Variants in LDB2 observed in about 807,000 individuals in gnomAD.
LDB2 encodes LIM domain binding 2, also known as LIM domain-binding protein 2.
LDB2 carries 12 observed loss-of-function variants against 44.3 expected under a neutral mutation model. The observed-to-expected ratio is 0.27, with a 90% CI of 0.17 to 0.44. LDB2 has a LOEUF of 0.44. Ranked by LOEUF, LDB2 falls within the 20% of genes least tolerant of loss-of-function variation. The pLI is 1.00. For missense variants in LDB2, 344 were observed against 473.5 expected, an observed-to-expected ratio of 0.73 and a Z score of 2.54; for synonymous variants, 164 against 174.8, an observed-to-expected ratio of 0.94 and a Z score of 0.49.
chr4:16,508,376 C>T (rs1308963164), intron 7 of LDB2, among the ~76,000 whole-genome samples, 159 bp downstream of exon 7: 3 of 152,150 alleles, frequency 2.0e-5, no homozygotes. Flanking sequence ...GAGTTCCTCC[C>T]TCCCATCCCA....
chr4:16,850,490 A>T (rs186373377), intron 1 of LDB2, among the ~76,000 whole-genome samples: 17 of 152,342 alleles, frequency 1.1e-4, no homozygotes, highest in Middle Eastern at 3.4e-3. Flanking sequence ...AATTTACATA[A>T]GCTTATTTCC....
At chr4:16,735,485 C>G (rs954416282) in intron 2 of LDB2, among the ~76,000 whole-genome samples, 2 of 151,774 alleles carry the variant, frequency 1.3e-5, no homozygotes, top group African/African-American at 4.8e-5. Flanking sequence ...TAACTTCTGC[C>G]CTCCCATGCA....
At chr4:16,884,606 CCCATTTAT>C (rs1721109219) in intron 1 of LDB2, among the ~76,000 whole-genome samples, 1 of 152,178 alleles carries the variant, frequency 6.6e-6, no homozygotes, top group Non-Finnish European at 1.5e-5. Context: ...TTGGCAAATT[CCCATTTAT>C]CCATCAAGAC....
chr4:16,687,378 A>G (rs983552924), intron 2 of LDB2, among the ~76,000 whole-genome samples: 1 of 152,158 alleles, frequency 6.6e-6, no homozygotes, highest in Non-Finnish European at 1.5e-5. Context: ...ACTTGAGGAC[A>G]CAGCAGGTAA....
intron 1 of LDB2, among the ~76,000 whole-genome samples, chr4:16,881,192 A>G (rs1309657297): frequency 3.3e-5 from 5 of 152,226 alleles, no homozygotes; most frequent in African/African-American, 9.6e-5. Context: ...CTGGAGAGGC[A>G]GCGGAGCTGA....
chr4:16,867,480 G>A (rs533588685), intron 1 of LDB2, among the ~76,000 whole-genome samples: 30 of 152,170 alleles, frequency 2.0e-4, no homozygotes, highest in African/African-American at 6.0e-4. Context: ...AGCCCATACC[G>A]GTTATAGAAC....
At chr4:16,743,093 C>G (rs1332530878) in intron 2 of LDB2, among the ~76,000 whole-genome samples, 2 of 152,060 alleles carry the variant, frequency 1.3e-5, no homozygotes, top group African/African-American at 4.8e-5. Context: ...AGTTCGAGAC[C>G]AGCCTGGCCA....
intron 2 of LDB2, among the ~76,000 whole-genome samples, chr4:16,632,552 A>C (rs1369837764): frequency 6.6e-6 from 1 of 152,188 alleles, no homozygotes; most frequent in African/African-American, 2.4e-5. Flanking sequence ...CACCACTCCT[A>C]TTCAGCATAG....
chr4:16,715,003 T>G (rs74933541), intron 2 of LDB2, among the ~76,000 whole-genome samples: 3,033 of 152,268 alleles, frequency 0.02, 85 homozygotes, highest in African/African-American at 0.067. Flanking sequence ...TATCTTTTTT[T>G]GGGGGCACAG....
rs1197123257 is a variant in LDB2 at position 16,893,089 on chromosome 4, A to G, written c.132+5265T>C. 7 of 973,092 alleles carry G rather than the reference A, an allele frequency of 7.2e-6. No individual in the cohort carries two copies. In the East Asian group the frequency reaches 6.8e-4, roughly 95 times the overall value. 60.3% of individuals were successfully genotyped at this position (973,092 alleles called of 1,614,324 possible). The stretch of plus-strand genomic sequence containing the variant: ...GTCTTACAATTGGTTTTCTGAGGCC[A>G]TGTAGAGATCCTGAAAAATAAGAGA... On this transcript the variant is annotated intron_variant, in intron 1 of 7. Coordinates refer to ENST00000304523, the MANE Select transcript of LDB2 (RefSeq NM_001290.5).
intron 2 of LDB2, among the ~76,000 whole-genome samples, chr4:16,711,843 A>C (rs932886427): frequency 2.0e-4 from 31 of 152,362 alleles, no homozygotes; most frequent in African/African-American, 6.7e-4. Context: ...ATAGGAAAAG[A>C]ATAGTCTTTT....
intron 2 of LDB2, among the ~76,000 whole-genome samples, chr4:16,692,523 A>T (rs1444113943): frequency 2.6e-5 from 4 of 152,244 alleles, no homozygotes; most frequent in African/African-American, 7.2e-5. Flanking sequence ...TCAGTCATAC[A>T]AGTTTAATTT....
rs555324588 is a variant in LDB2 at position 16,845,409 on chromosome 4, A to G, written c.132+52945T>C. On this transcript the variant is annotated intron_variant, in intron 1 of 7. Transcript: ENST00000304523. ...AGCTCTCTCAGTAACAGCTTTTTCT[A>G]TCAAAGAAACCCAGATGGCAATAGG... 1.4e-3 allele frequency among the ~76,000 whole-genome samples: 220 copies of G among 152,246 alleles called. 2 individuals carry two copies. The Middle Eastern group carries it at 0.017, about 12-fold the overall frequency.
At chr4:16,758,052 G>C (rs150764032) in intron 2 of LDB2, among the ~76,000 whole-genome samples, 1 of 152,092 alleles carries the variant, frequency 6.6e-6, no homozygotes, top group South Asian at 2.1e-4. Flanking sequence ...TGCTCCTCCC[G>C]TGTTTAACAC....
At chr4:16,720,493 G>A (rs536424661) in intron 2 of LDB2, among the ~76,000 whole-genome samples, 40 of 152,100 alleles carry the variant, frequency 2.6e-4, no homozygotes, top group South Asian at 1.5e-3. Context: ...GTCTCCTACC[G>A]GTTTTGTTTC....
intron 2 of LDB2, among the ~76,000 whole-genome samples, chr4:16,665,785 T>C (rs2152547101): frequency 6.6e-6 from 1 of 152,278 alleles, no homozygotes; most frequent in African/African-American, 2.4e-5. Context: ...TCTGAAGATG[T>C]AATTTAGAAT....
chr4:16,549,816 T>C (rs943886007), intron 5 of LDB2, among the ~76,000 whole-genome samples: 35 of 152,242 alleles, frequency 2.3e-4, no homozygotes, highest in African/African-American at 7.7e-4. Flanking sequence ...CCAGTTCTTC[T>C]CTGTAAGAGT....
intron 7 of LDB2, 107 bp from the exon 8 acceptor site, chr4:16,502,980 A>T: frequency 6.2e-7 from 1 of 1,604,318 alleles, no homozygotes; most frequent in Non-Finnish European, 8.5e-7. Context: ...ACACTCGTGT[A>T]CTGTACAACG....
At chr4:16,741,989 A>G (rs1439178614) in intron 2 of LDB2, among the ~76,000 whole-genome samples, 1 of 151,790 alleles carries the variant, frequency 6.6e-6, no homozygotes, top group Non-Finnish European at 1.5e-5. Context: ...GGAACATGGT[A>G]TGTATTAGCT....
Sources: gnomAD v4.1 joint callset for allele counts (sites outside exome capture counted in the v4.1 genomes callset) on GRCh38, gnomAD v4.1.1 for gene constraint, MANE v1.5 for transcripts, NCBI Gene and HGNC (gene_info 2026-07-23, HGNC 2026-07-21) for gene names.